TIMMDC1: variants seen among roughly 807,000 people sequenced by gnomAD.
TIMMDC1 encodes translocase of inner mitochondrial membrane domain containing 1.
In TIMMDC1, 25 loss-of-function variants were observed where a neutral mutation model predicts 32.6. That is an observed-to-expected ratio of 0.77 (90% CI 0.56 to 1.07). TIMMDC1 has a LOEUF of 1.07. Ranked by LOEUF, TIMMDC1 falls within the 50% of genes least tolerant of loss-of-function variation. TIMMDC1 has a pLI of 0.00. For missense variants in TIMMDC1, 329 were observed against 349.2 expected (o/e 0.94, Z 0.46); for synonymous variants, 130 against 127.6 (o/e 1.02, Z -0.13).
At chr3:119,511,008 C>G (rs11714738) in intron 4 of TIMMDC1, among the ~76,000 whole-genome samples, 32,150 of 152,114 alleles carry the variant, frequency 0.21, 3,997 homozygotes, top group Middle Eastern at 0.29. Flanking sequence ...GAGGCCTTAC[C>G]AATAACATAA....
At position 119,500,714 on chromosome 3, in the gene TIMMDC1, A is replaced by G; in HGVS notation, c.214A>G (p.Lys72Glu). 1 of 1,613,308 alleles carries G rather than the reference A, an allele frequency of 6.2e-7. No individual in the cohort carries two copies. Among genetic ancestry groups the G allele is most frequent in the Non-Finnish European group, 8.5e-7 (1 of 1,179,716 alleles). ...FGKDEQQRISKDLANICKTAA... is the reference protein window; with the variant it reads ...FGKDEQQRISEDLANICKTAA... ...TTGTAGTGAACAGCAGAGAATTTCA[A>G]AGGACCTTGCTAATATCTGTAAGAC... Residue 72 changes from lysine to glutamate, a missense_variant, in exon 2 of 7, where the codon AAG becomes GAG. Physicochemically the swap from Lys to Glu is moderately conservative, Grantham distance 56. Transcript: ENST00000494664.
In TIMMDC1 at chr3:119,500,759, A is replaced by G. The variant is rs1205364358; in HGVS notation, c.259A>G (p.Ile87Val). Residue 87 changes from isoleucine (I) to valine (V), a missense_variant, in exon 2 of 7, where the codon ATT (isoleucine) becomes GTT (valine). Transcript: ENST00000494664. ...TAAGACGGCAGCTACAGCAGGCATC[A>G]TTGGCTGGGTGTATGGGGGAATACC... ...ICKTAATAGI[I>V]GWVYGGIPAF... is the part of the protein sequence containing the mutation. 1.9e-6 allele frequency: 3 copies of G among 1,614,150 alleles called. No individual in the cohort carries two copies. The highest frequency in any genetic ancestry group is 2.2e-5 in the South Asian group (2 of 91,072).
chr3:119,502,420 G>A (rs1188265518), intron 2 of TIMMDC1, among the ~76,000 whole-genome samples: 1 of 152,044 alleles, frequency 6.6e-6, no homozygotes, highest in African/African-American at 2.4e-5. Flanking sequence ...TGTAGAGACA[G>A]GGTTTTGCCA....
At chr3:119,500,513 C>A in intron 1 of TIMMDC1, 182 bp from the exon 2 acceptor site, 1 of 536,936 alleles carries the variant, frequency 1.9e-6, no homozygotes, top group South Asian at 3.2e-5. Flanking sequence ...AACACCATAG[C>A]TTCGTTTTGT....
At chr3:119,518,640 G>C (rs1425928239) in intron 6 of TIMMDC1, among the ~76,000 whole-genome samples, 1 of 152,158 alleles carries the variant, frequency 6.6e-6, no homozygotes, top group Non-Finnish European at 1.5e-5. Context: ...ATTTTGAGAT[G>C]GAAAAGCTTA....
intron 5 of TIMMDC1, 56 bp downstream of exon 5, chr3:119,513,775 C>T (rs186260067): frequency 1.1e-5 from 13 of 1,140,970 alleles, no homozygotes; most frequent in Non-Finnish European, 1.0e-5. Context: ...AATACCTTGC[C>T]TATTAAAAAG....
At chr3:119,517,940 C>A (rs2081997021) in intron 6 of TIMMDC1, among the ~76,000 whole-genome samples, 2 of 150,830 alleles carry the variant, frequency 1.3e-5, no homozygotes, top group African/African-American at 2.4e-5. Context: ...CAGCCTGGGC[C>A]ACAGAGCAAG....
intron 5 of TIMMDC1, among the ~76,000 whole-genome samples, chr3:119,513,920 G>C (rs1004379177): frequency 5.9e-5 from 9 of 151,958 alleles, no homozygotes; most frequent in African/African-American, 2.2e-4. Context: ...TTTATTTATA[G>C]TTTCTTTTAC....
Position 119,517,241 on chromosome 3 carries a change from G to A in TIMMDC1, c.633G>A (p.Lys211=), listed in dbSNP as rs766693750. The A allele has an allele frequency of 3.1e-6, 5 of 1,613,534 alleles. No individual in the cohort carries two copies. The African/African-American group carries it at 4.0e-5, about 13-fold the overall frequency. The change falls in exon 6 of 7, where the codon AAG becomes AAA. Residue 211 remains lysine, a synonymous_variant. Transcript: ENST00000494664. ...GAGGCCTGCTGATGGCATTTCAGAA[G>A]TACTCTGGTGAGACTGTTCAGGAAA... is the stretch of plus-strand genomic sequence containing the variant. The part of the protein sequence containing the change: ...PVGGLLMAFQ[K]YSGETVQERK...
At chr3:119,499,571 C>T (rs2081854081) in intron 1 of TIMMDC1, among the ~76,000 whole-genome samples, 1 of 151,988 alleles carries the variant, frequency 6.6e-6, no homozygotes, top group African/African-American at 2.4e-5. Flanking sequence ...TTGCCCACTA[C>T]CATGCCCAGC....
Position 119,498,812 on chromosome 3 carries a change from G to A in TIMMDC1, c.79G>A (p.Ala27Thr). 6.2e-7 allele frequency: 1 copy of A among 1,614,240 alleles called. No individual in the cohort carries two copies. The highest frequency in any genetic ancestry group is 8.5e-7 in the Non-Finnish European group (1 of 1,180,050). The change falls in exon 1 of 7, where the codon GCT becomes ACT. Residue 27 changes from alanine (A) to threonine (T), a missense_variant. Ala to Thr is a moderately conservative substitution (Grantham distance 58). Coordinates refer to ENST00000494664, the MANE Select transcript of TIMMDC1 (RefSeq NM_016589.4). ...ATTTCCCCGAGTCTTTGCTGCCGAA[G>A]CTGTGACTGCCGATTCGGAAGTCCT... ...CLFPRVFAAE[A>T]VTADSEVLEE...
At chr3:119,504,168 G>A (rs1220164560) in intron 4 of TIMMDC1, 147 bp downstream of exon 4, 8 of 637,082 alleles carry the variant, frequency 1.3e-5, no homozygotes, top group Non-Finnish European at 2.2e-5. Flanking sequence ...TATGGACAGT[G>A]TTGTGCTTCA....
chr3:119,512,737 C>T (rs772448877), intron 4 of TIMMDC1, among the ~76,000 whole-genome samples: 9 of 152,070 alleles, frequency 5.9e-5, no homozygotes, highest in Non-Finnish European at 1.0e-4. Context: ...ATATAAACCT[C>T]AACTGTTATT....
chr3:119,511,131 GT>G (rs1370025217), intron 4 of TIMMDC1, among the ~76,000 whole-genome samples: 1 of 151,984 alleles, frequency 6.6e-6, no homozygotes, highest in South Asian at 2.1e-4. Flanking sequence ...TTATCTGCGA[GT>G]TTTTTCAAAT....
rs182944916 is a variant in TIMMDC1, at chr3:119,503,035, C to T, written c.361-497C>T. 3.7e-4 allele frequency among the ~76,000 whole-genome samples: 56 copies of T among 152,246 alleles called. 1 individual carries two copies. Among genetic ancestry groups the T allele is most frequent in the African/African-American group, 1.3e-3 (54 of 41,548 alleles). ...TTATTTATCTATTTATAATTTATTTCTATCAGTAGGGACTCATGGATTCTT... is the reference window on the plus strand; with the variant it reads ...TTATTTATCTATTTATAATTTATTTTTATCAGTAGGGACTCATGGATTCTT... On this transcript the variant is annotated intron_variant, in intron 2 of 6. Coordinates refer to ENST00000494664, the MANE Select transcript of TIMMDC1 (RefSeq NM_016589.4).
chr3:119,504,296 A>G (rs1053428370), intron 4 of TIMMDC1, among the ~76,000 whole-genome samples: 2 of 152,220 alleles, frequency 1.3e-5, no homozygotes, highest in African/African-American at 2.4e-5. Context: ...CGGTGGAACA[A>G]TGGGATCTCA....
intron 2 of TIMMDC1, 119 bp downstream of exon 2, chr3:119,500,979 A>G: frequency 9.8e-7 from 1 of 1,019,210 alleles, no homozygotes; most frequent in Non-Finnish European, 1.4e-6. Context: ...GAGTAAAGAA[A>G]TAAAGTCTGT....
At chr3:119,507,445 TCTGTTA>T (rs1330844754) in intron 4 of TIMMDC1, among the ~76,000 whole-genome samples, 2 of 152,228 alleles carry the variant, frequency 1.3e-5, no homozygotes, top group South Asian at 2.1e-4. Flanking sequence ...ATTCTTCAGT[TCTGTTA>T]CAGTGGGTTT....
intron 5 of TIMMDC1, among the ~76,000 whole-genome samples, chr3:119,516,100 G>T (rs1031229494): frequency 5.9e-5 from 9 of 152,112 alleles, no homozygotes; most frequent in Non-Finnish European, 1.0e-4. Flanking sequence ...TTTTATTGTG[G>T]TAATAAACAC....
Sources: allele counts gnomAD v4.1 joint callset (sites outside exome capture counted in the v4.1 genomes callset), GRCh38; gene constraint gnomAD v4.1.1; transcripts MANE v1.5; gene names NCBI Gene and HGNC (gene_info 2026-07-23, HGNC 2026-07-21).